Variants in LSAMP observed in about 807,000 individuals in gnomAD.
LSAMP encodes limbic system associated membrane protein.
LSAMP carries 7 observed loss-of-function variants against 38.6 expected under a neutral mutation model. The ratio of observed to expected loss-of-function variants is 0.18; its 90% CI spans 0.10 to 0.34. The LOEUF (loss-of-function observed/expected upper bound fraction) is 0.34. LSAMP is among the 10% of genes least tolerant of loss of function. The pLI, the probability that LSAMP is intolerant of heterozygous loss-of-function variation, is 1.00. For missense variants in LSAMP, 313 were observed against 420.0 expected (o/e 0.75, Z 2.23); for synonymous variants, 154 against 166.8 (o/e 0.92, Z 0.59).
intron 1 of LSAMP, among the ~76,000 whole-genome samples, chr3:116,331,686 G>A (rs1348895509): frequency 6.6e-6 from 1 of 152,094 alleles, no homozygotes; most frequent in East Asian, 1.9e-4. Context: ...AAGGTAAAAT[G>A]AAAGGACACC....
intron 1 of LSAMP, among the ~76,000 whole-genome samples, chr3:116,169,119 C>G (rs59057906): frequency 0.022 from 3,275 of 152,194 alleles, 109 homozygotes; most frequent in African/African-American, 0.073. Context: ...GTGGGAGGAT[C>G]CCTTGAGCCC....
intron 1 of LSAMP, among the ~76,000 whole-genome samples, chr3:116,367,165 C>A (rs768211970): frequency 1.3e-5 from 2 of 152,040 alleles, no homozygotes; most frequent in Non-Finnish European, 2.9e-5. Context: ...AGAGAGAGAC[C>A]AATAAGATCC....
chr3:115,977,928 AT>A (rs1227266418), intron 3 of LSAMP, among the ~76,000 whole-genome samples: 1 of 151,966 alleles, frequency 6.6e-6, no homozygotes, highest in Non-Finnish European at 1.5e-5. Flanking sequence ...TATTAAAAAA[AT>A]GGTAGATATT....
chr3:116,178,969 A>G (rs903952421), intron 1 of LSAMP, among the ~76,000 whole-genome samples: 1 of 151,790 alleles, frequency 6.6e-6, no homozygotes, highest in Admixed American at 6.6e-5. Flanking sequence ...TTTACATTTC[A>G]TGTGAAGATA....
At chr3:116,127,168 A>C (rs1002603012) in intron 1 of LSAMP, among the ~76,000 whole-genome samples, 5 of 152,222 alleles carry the variant, frequency 3.3e-5, no homozygotes, top group African/African-American at 9.6e-5. Context: ...AAAATGCCAA[A>C]TGCATAGGGT....
intron 2 of LSAMP, among the ~76,000 whole-genome samples, chr3:116,065,291 A>T (rs544989321): frequency 1.3e-5 from 2 of 152,362 alleles, no homozygotes; most frequent in East Asian, 3.9e-4. Context: ...ATTTTAAAAC[A>T]GTTAGATTTA....
chr3:116,337,871 G>A (rs949118031), intron 1 of LSAMP, among the ~76,000 whole-genome samples: 3 of 151,988 alleles, frequency 2.0e-5, no homozygotes, highest in African/African-American at 7.2e-5. Context: ...TGATTCAGTA[G>A]ATGTAAGGTG....
At chr3:116,094,981 G>A (rs900032556) in intron 1 of LSAMP, among the ~76,000 whole-genome samples, 1 of 152,114 alleles carries the variant, frequency 6.6e-6, no homozygotes, top group Non-Finnish European at 1.5e-5. Flanking sequence ...GTCTCTCATT[G>A]TAAAGGATAG....
chr3:115,928,973 G>GTTTTTTTTTT (rs67711628), intron 3 of LSAMP, among the ~76,000 whole-genome samples: 27 of 109,924 alleles, frequency 2.5e-4, no homozygotes, highest in African/African-American at 6.8e-4. Context: ...TTTTTTGTTT[G>GTTTTTTTTTT]TTTTTTTTTT....
intron 3 of LSAMP, among the ~76,000 whole-genome samples, chr3:116,013,623 A>G (rs1191152976): frequency 1.3e-5 from 2 of 152,214 alleles, no homozygotes; most frequent in African/African-American, 4.8e-5. Context: ...TAGTTTATAC[A>G]TTGGCATATA....
chr3:116,345,186 CA>C (rs906615340), intron 1 of LSAMP, among the ~76,000 whole-genome samples: 70 of 150,682 alleles, frequency 4.6e-4, no homozygotes, highest in African/African-American at 1.4e-3. Flanking sequence ...AGCCAATGTA[CA>C]AAAAAAAGGA....
intron 3 of LSAMP, among the ~76,000 whole-genome samples, chr3:115,937,803 C>T (rs1480077132): frequency 6.7e-6 from 1 of 150,202 alleles, no homozygotes; most frequent in African/African-American, 2.4e-5. Context: ...GTATGGCCAG[C>T]TAAATGATAT....
chr3:115,963,669 C>T (rs1938701233), intron 3 of LSAMP, among the ~76,000 whole-genome samples: 1 of 152,206 alleles, frequency 6.6e-6, no homozygotes, highest in Non-Finnish European at 1.5e-5. Context: ...AGAATACAGA[C>T]ATAAGAGGTA....
At chr3:116,020,153 A>T (rs946764817) in intron 2 of LSAMP, among the ~76,000 whole-genome samples, 2 of 152,196 alleles carry the variant, frequency 1.3e-5, no homozygotes, top group Non-Finnish European at 2.9e-5. Flanking sequence ...AACATGGATT[A>T]ATCACCACAA....
chr3:116,057,933 ACACACACACACACACACACACACC>A (rs1330148839), intron 2 of LSAMP, among the ~76,000 whole-genome samples: 14 of 98,472 alleles, frequency 1.4e-4, no homozygotes, highest in Admixed American at 9.5e-4. Flanking sequence ...TATAGTAGCT[ACACACACACACACACACACACACC>A]CACACACACA....
intron 1 of LSAMP, among the ~76,000 whole-genome samples, chr3:116,232,716 T>TTTTTTTG (rs1036028089): frequency 2.7e-5 from 4 of 146,748 alleles, no homozygotes; most frequent in Non-Finnish European, 4.5e-5. Flanking sequence ...TTTTTTTTTT[T>TTTTTTTG]CCAGCAGGTA....
chr3:116,140,271 C>T (rs527771626), intron 1 of LSAMP, among the ~76,000 whole-genome samples: 69 of 151,756 alleles, frequency 4.5e-4, no homozygotes, highest in Non-Finnish European at 7.5e-4. Context: ...ATAACTCTAA[C>T]AAACCACCAG....
At chr3:116,077,601 T>C (rs535074592) in intron 2 of LSAMP, among the ~76,000 whole-genome samples, 85 of 152,344 alleles carry the variant, frequency 5.6e-4, no homozygotes, top group African/African-American at 1.9e-3. Flanking sequence ...TTGCCTTCAG[T>C]ATTATTGTAT....
At chr3:116,253,148 T>C (rs1285704404) in intron 1 of LSAMP, among the ~76,000 whole-genome samples, 1 of 152,114 alleles carries the variant, frequency 6.6e-6, no homozygotes, top group Non-Finnish European at 1.5e-5. Context: ...TTTCTTGATA[T>C]ATTACTATTG....
Sources: allele counts gnomAD v4.1 joint callset (sites outside exome capture counted in the v4.1 genomes callset), GRCh38; gene constraint gnomAD v4.1.1; transcripts MANE v1.5; gene names NCBI Gene and HGNC (gene_info 2026-07-23, HGNC 2026-07-21).